The following MARK2 variants were observed in gnomAD, a reference collection of about 807,000 sequenced individuals.
The protein encoded by MARK2 is serine/threonine-protein kinase MARK2.
In MARK2, 16 loss-of-function variants were observed where a neutral mutation model predicts 89.8. The ratio of observed to expected loss-of-function variants is 0.18; its 90% CI spans 0.12 to 0.27. The LOEUF is 0.27. MARK2 is among the 10% of genes least tolerant of loss of function. MARK2 has a pLI of 1.00. For missense variants in MARK2, 621 were observed against 1,049.9 expected, an observed-to-expected ratio of 0.59 and a Z score of 5.65; for synonymous variants, 382 against 399.5, an observed-to-expected ratio of 0.96 and a Z score of 0.52.
At chr11:63,876,598 A>C (rs528067955) in intron 1 of MARK2, among the ~76,000 whole-genome samples, 3 of 152,238 alleles carry the variant, frequency 2.0e-5, no homozygotes, top group Non-Finnish European at 4.4e-5. Flanking sequence ...TACTGATGAG[A>C]GGTATCCTGG....
chr11:63,863,202 T>G (rs1048403462), intron 1 of MARK2, among the ~76,000 whole-genome samples: 2 of 152,130 alleles, frequency 1.3e-5, no homozygotes, highest in African/African-American at 4.8e-5. Flanking sequence ...TTGGTTTGCT[T>G]CTCTCTGCTG....
In MARK2 at chr11:63,899,121, C is replaced by T; in HGVS notation, c.531+13C>T. ...TAGAGACTTAAAGGTAAGGCATGCA[C>T]TTCTCCTTGTGCCTTTGAGTGGGAG... On this transcript the variant is annotated intron_variant, in intron 7 of 18. Coordinates refer to ENST00000402010, the MANE Select transcript of MARK2 (RefSeq NM_001039469.3). 1 of 1,591,886 alleles carries T rather than the reference C, an allele frequency of 6.3e-7. No homozygotes were observed. Among genetic ancestry groups the T allele is most frequent in the Non-Finnish European group, 8.6e-7 (1 of 1,162,024 alleles).
chr11:63,867,910 G>T (rs113400103), intron 1 of MARK2, among the ~76,000 whole-genome samples: 2 of 152,222 alleles, frequency 1.3e-5, no homozygotes, highest in African/African-American at 4.8e-5. Flanking sequence ...CATAACTTCA[G>T]TTCGTGGATT....
rs983405194 is a variant in MARK2 at position 63,898,907 on chromosome 11, C to T, written c.474+74C>T. On this transcript the variant is annotated intron_variant, in intron 6 of 18. Transcript: ENST00000402010. The stretch of plus-strand genomic sequence containing the variant: ...GGTTTGACATGTAAGGATAAGCTGC[C>T]TGTCTGTAAGTGGCCCTTGGAGGGT... 58 of 1,424,660 alleles carry T rather than the reference C, an allele frequency of 4.1e-5. No homozygotes were observed. In the East Asian group the frequency reaches 4.5e-4, roughly 11 times the overall value. 88.3% of individuals were successfully genotyped at this position (1,424,660 alleles called of 1,614,324 possible).
At chr11:63,875,428 T>G (rs1401436797) in intron 1 of MARK2, among the ~76,000 whole-genome samples, 5 of 152,138 alleles carry the variant, frequency 3.3e-5, no homozygotes, top group African/African-American at 1.2e-4. Flanking sequence ...CTAATTTTTC[T>G]TTGTTGAGAT....
chr11:63,851,777 T>C (rs2016583812), intron 1 of MARK2, among the ~76,000 whole-genome samples: 1 of 152,174 alleles, frequency 6.6e-6, no homozygotes, highest in Non-Finnish European at 1.5e-5. Context: ...CTTTTTTTTT[T>C]TTTCTTGTTT....
chr11:63,849,142 G>A (rs2016433575), intron 1 of MARK2, among the ~76,000 whole-genome samples: 1 of 152,144 alleles, frequency 6.6e-6, no homozygotes, highest in Admixed American at 6.6e-5. Context: ...AGAGTACTGG[G>A]ACTACAGGTC....
At chr11:63,854,583 C>T (rs2016746536) in intron 1 of MARK2, among the ~76,000 whole-genome samples, 3 of 151,506 alleles carry the variant, frequency 2.0e-5, no homozygotes, top group Admixed American at 6.6e-5. Flanking sequence ...GCCTGTAATC[C>T]CAACACTTTC....
intron 1 of MARK2, among the ~76,000 whole-genome samples, chr11:63,869,608 C>T (rs184962934): frequency 6.6e-6 from 1 of 152,010 alleles, no homozygotes; most frequent in South Asian, 2.1e-4. Flanking sequence ...TTGAGGGCAC[C>T]CTGAGTTCAG....
chr11:63,882,333 CA>C (rs1405219255), intron 1 of MARK2, among the ~76,000 whole-genome samples: 2 of 152,022 alleles, frequency 1.3e-5, no homozygotes, highest in African/African-American at 4.8e-5. Flanking sequence ...CCTGTAATCC[CA>C]GCACTTTGGG....
intron 16 of MARK2, 103 bp downstream of exon 16, chr11:63,905,146 C>T (rs887911878): frequency 7.4e-5 from 97 of 1,316,082 alleles, no homozygotes; most frequent in Middle Eastern, 2.1e-4. Context: ...CACTCTGTAC[C>T]GGTATTGGGT....
chr11:63,906,019 A>G, intron 16 of MARK2, 69 bp from the exon 17 acceptor site: 1 of 1,285,972 alleles, frequency 7.8e-7, no homozygotes. Context: ...CTGCTTATCC[A>G]CATACCGTCT....
At chr11:63,906,541 C>T (rs1240541141) in intron 17 of MARK2, among the ~76,000 whole-genome samples, 2 of 147,338 alleles carry the variant, frequency 1.4e-5, no homozygotes, top group Non-Finnish European at 3.0e-5. Context: ...TCCTTTCCTG[C>T]CCTTTCCCTT....
At chr11:63,841,894 G>A (rs2016038884) in intron 1 of MARK2, among the ~76,000 whole-genome samples, 1 of 152,200 alleles carries the variant, frequency 6.6e-6, no homozygotes, top group African/African-American at 2.4e-5. Flanking sequence ...TGAGCATATA[G>A]TAGGAATTCC....
In MARK2 at chr11:63,839,156, G is replaced by A. The variant is rs1057181642; in HGVS notation, c.-351G>A. On this transcript the variant is annotated 5_prime_UTR_variant, in exon 1 of 19. Transcript: ENST00000402010. ...GGGAGCAGCAGGTCCGGCGGCGGCT[G>A]CCTGTGTGCCGGGCGCGGAGCAGTG... The A allele has an allele frequency of 7.0e-5, 14 of 200,052 alleles. No homozygotes were observed. In the East Asian group the frequency reaches 8.2e-4, roughly 12 times the overall value. The allele number at this position is 200,052 out of a possible 1,614,324, so 12.4% of individuals were successfully genotyped here.
At chr11:63,856,308 G>GT (rs771771264) in intron 1 of MARK2, among the ~76,000 whole-genome samples, 7,945 of 86,976 alleles carry the variant, frequency 0.091, 348 homozygotes, top group Middle Eastern at 0.15. Flanking sequence ...GGCCCTGTGG[G>GT]TTTTTTTTTT....
rs186629802 is a variant in MARK2, at chr11:63,890,767, G to A, written c.55-4392G>A. 3.5e-4 allele frequency among the ~76,000 whole-genome samples: 53 copies of A among 152,366 alleles called. No homozygotes were observed. The East Asian group carries it at 0.01, about 29-fold the overall frequency. ...AGTAGTATTTGGGGACATAATGATT[G>A]CTCTTATTGAACATCGGATAAGGCA... On this transcript the variant is annotated intron_variant, in intron 1 of 18. Coordinates refer to ENST00000402010, the MANE Select transcript of MARK2 (RefSeq NM_001039469.3).
intron 1 of MARK2, among the ~76,000 whole-genome samples, chr11:63,881,532 A>ACT (rs1939090857): frequency 6.6e-6 from 1 of 152,144 alleles, no homozygotes; most frequent in Admixed American, 6.5e-5. Context: ...TTCCCTAAGT[A>ACT]TTGTAACATG....
At chr11:63,908,192 C>T in intron 17 of MARK2, 68 bp from the exon 18 acceptor site, 2 of 1,414,338 alleles carry the variant, frequency 1.4e-6, no homozygotes, top group Non-Finnish European at 2.0e-6. Context: ...CCACTCTCAT[C>T]TGGGTCTGTG....
Sources: allele counts gnomAD v4.1 joint callset (sites outside exome capture counted in the v4.1 genomes callset), GRCh38; gene constraint gnomAD v4.1.1; transcripts MANE v1.5; gene names NCBI Gene and HGNC (gene_info 2026-07-23, HGNC 2026-07-21).